NBEAL1: variants seen among roughly 807,000 people sequenced by gnomAD.
The protein encoded by NBEAL1 is neurobeachin-like protein 1.
A neutral mutation model predicts 351.3 loss-of-function variants in NBEAL1; 273 were observed. The observed-to-expected ratio is 0.78, with a 90% confidence interval of 0.70 to 0.86. The LOEUF is 0.86. Ranked by LOEUF, NBEAL1 falls within the 40% of genes least tolerant of loss-of-function variation. The pLI is 0.00. For synonymous variants in NBEAL1, 1,050 were observed against 1,086.4 expected, an observed-to-expected ratio of 0.97 and a Z score of 0.66; for missense variants, 2,961 against 3,201.3, an observed-to-expected ratio of 0.92 and a Z score of 1.81.
chr2:203,189,839 GA>G (rs2065014907), intron 45 of NBEAL1, among the ~76,000 whole-genome samples: 1 of 151,514 alleles, frequency 6.6e-6, no homozygotes, highest in Admixed American at 6.6e-5. Flanking sequence ...ATATTTTATT[GA>G]AACTATACCA....
In NBEAL1 at chr2:203,225,170, A is replaced by T. The variant is rs933429523; in HGVS notation, c.*7816A>T. Among the ~76,000 whole-genome samples, 5 of 152,328 alleles carry T rather than the reference A, an allele frequency of 3.3e-5. No homozygotes were observed. The South Asian group carries it at 6.2e-4, about 19-fold the overall frequency. ...ATATGAAAATGGGTTTGAATCAAAT[A>T]AAAAAAGTGATGTTACTTTCTTCAG... On this transcript the variant is annotated 3_prime_UTR_variant, in exon 56 of 56. Coordinates refer to ENST00000683969, the MANE Select transcript of NBEAL1 (RefSeq NM_001378026.1).
intron 25 of NBEAL1, among the ~76,000 whole-genome samples, chr2:203,131,725 G>A (rs545685301): frequency 5.3e-5 from 8 of 152,150 alleles, no homozygotes; most frequent in South Asian, 2.1e-4. Flanking sequence ...TGAAGTTTTT[G>A]TACTTAAGGA....
intron 3 of NBEAL1, among the ~76,000 whole-genome samples, chr2:203,049,546 C>G (rs751086791): frequency 6.6e-5 from 10 of 152,282 alleles, no homozygotes; most frequent in Admixed American, 1.3e-4. Flanking sequence ...TAGTCTGTCT[C>G]TCTCTTTAGT....
intron 2 of NBEAL1, among the ~76,000 whole-genome samples, chr2:203,031,992 G>A (rs968914181): frequency 6.6e-6 from 1 of 152,168 alleles, no homozygotes; most frequent in Non-Finnish European, 1.5e-5. Context: ...GCTATGAAAG[G>A]CACTACTGTT....
intron 12 of NBEAL1, 22 bp downstream of exon 12, chr2:203,099,734 T>C (rs75861526): frequency 6.4e-6 from 4 of 624,892 alleles, no homozygotes; most frequent in South Asian, 3.7e-5. Flanking sequence ...ATCCTCCAGC[T>C]TTTTTTTTTT....
At chr2:203,083,122 G>T (rs2061901932) in intron 8 of NBEAL1, 97 bp from the exon 9 acceptor site, 1 of 1,066,294 alleles carries the variant, frequency 9.4e-7, no homozygotes. Flanking sequence ...TTTATTAAAA[G>T]AAAAGGTTGC....
At position 203,057,306 on chromosome 2, in the gene NBEAL1, A is replaced by T; in HGVS notation, c.388-20A>T. The T allele has an allele frequency of 6.5e-7, 1 of 1,535,716 alleles. No individual in the cohort carries two copies. Among genetic ancestry groups the T allele is most frequent in the Non-Finnish European group, 8.8e-7 (1 of 1,136,180 alleles). On this transcript the variant is annotated intron_variant, in intron 5 of 55. Transcript: ENST00000683969. Reference sequence around the variant, plus strand: ...GATAAGTAAGGCATGTCTTTAATTTATGTTTAACTTTGTTCTCAGTTAAAA... The same window carrying T: ...GATAAGTAAGGCATGTCTTTAATTTTTGTTTAACTTTGTTCTCAGTTAAAA...
At position 203,038,064 on chromosome 2, in the gene NBEAL1, G is replaced by A. The variant is rs141721049; in HGVS notation, c.52-3701G>A. 1.2e-3 allele frequency among the ~76,000 whole-genome samples: 181 copies of A among 149,396 alleles called. 14 individuals carry two copies. In the Middle Eastern group the frequency reaches 0.014, roughly 11 times the overall value. On this transcript the variant is annotated intron_variant, in intron 2 of 55. Coordinates refer to ENST00000683969, the MANE Select transcript of NBEAL1 (RefSeq NM_001378026.1). Reference sequence around the variant, plus strand: ...ATTTTTGAAAAATTTTTTTGTCATTGTAAGTATCAATAGTTCATTTTTATT... The same window carrying A: ...ATTTTTGAAAAATTTTTTTGTCATTATAAGTATCAATAGTTCATTTTTATT...
chr2:203,211,160 G>A (rs1226698077), intron 54 of NBEAL1, 54 bp downstream of exon 54: 1 of 1,228,234 alleles, frequency 8.1e-7, no homozygotes, highest in Non-Finnish European at 1.1e-6. Flanking sequence ...AGTACTTCTA[G>A]TCTAGAGTGA....
At chr2:203,173,832 T>C (rs551453789) in intron 41 of NBEAL1, among the ~76,000 whole-genome samples, 10 of 152,262 alleles carry the variant, frequency 6.6e-5, no homozygotes, top group African/African-American at 2.4e-4. Context: ...CCTGAAAACT[T>C]TTTTATTCTC....
At chr2:203,023,509 T>A (rs2060801378) in intron 2 of NBEAL1, among the ~76,000 whole-genome samples, 1 of 152,234 alleles carries the variant, frequency 6.6e-6, no homozygotes. Context: ...CATCAAACTT[T>A]AAATTTCCCT....
At chr2:203,049,256 A>C (rs2061283725) in intron 3 of NBEAL1, among the ~76,000 whole-genome samples, 1 of 152,050 alleles carries the variant, frequency 6.6e-6, no homozygotes. Context: ...GATGGGGTTC[A>C]CCATGTTGAC....
rs554176549 is a variant in NBEAL1 at position 203,142,289 on chromosome 2, G to A, written c.4849-2311G>A. ...TCTGGTCTCTGCCTCCCAAGTAGCTGGGATTATAGGCATGTGCCACCTCTC... is the reference window on the plus strand; with the variant it reads ...TCTGGTCTCTGCCTCCCAAGTAGCTAGGATTATAGGCATGTGCCACCTCTC... On this transcript the variant is annotated intron_variant, in intron 31 of 55. Coordinates refer to ENST00000683969, the MANE Select transcript of NBEAL1 (RefSeq NM_001378026.1). Among the ~76,000 whole-genome samples the A allele has an allele frequency of 7.8e-4, 119 of 152,152 alleles. 3 individuals carry two copies. The highest frequency in any genetic ancestry group is 7.6e-4 in the Non-Finnish European group (52 of 68,036).
intron 12 of NBEAL1, among the ~76,000 whole-genome samples, chr2:203,104,852 CT>C (rs1157218963): frequency 5.9e-5 from 9 of 151,378 alleles, no homozygotes; most frequent in South Asian, 2.1e-4. Flanking sequence ...TCTTTTTTTT[CT>C]TTTTTCTTTC....
intron 24 of NBEAL1, among the ~76,000 whole-genome samples, chr2:203,129,087 C>T (rs933395371): frequency 6.6e-6 from 1 of 152,154 alleles, no homozygotes. Flanking sequence ...ACTACTGATT[C>T]AACTGCTGAA....
In NBEAL1 at chr2:203,049,877, C is replaced by A; in HGVS notation, c.207C>A (p.Ile69=). The change falls in exon 4 of 56, where the codon ATC becomes ATA. Residue 69 remains isoleucine (I), a synonymous_variant. Transcript: ENST00000683969. ...LPDNILQVLR[I]QLLQCVQKMA... Reference sequence around the variant, plus strand: ...ATAATATTCTGCAGGTTCTGAGGATCCAGCTTCTACAGTGTGTTCAGAAAA... The same window carrying A: ...ATAATATTCTGCAGGTTCTGAGGATACAGCTTCTACAGTGTGTTCAGAAAA... 1 of 1,556,564 alleles carries A rather than the reference C, an allele frequency of 6.4e-7. No individual in the cohort carries two copies. Among genetic ancestry groups the A allele is most frequent in the East Asian group, 2.3e-5 (1 of 42,660 alleles).
At chr2:203,156,516 T>C (rs575045981) in intron 35 of NBEAL1, among the ~76,000 whole-genome samples, 4 of 152,366 alleles carry the variant, frequency 2.6e-5, no homozygotes, top group African/African-American at 9.6e-5. Context: ...TGCATTGTCA[T>C]GTACTTCGTT....
chr2:203,093,375 C>A (rs1346906544), intron 10 of NBEAL1, among the ~76,000 whole-genome samples: 1 of 150,650 alleles, frequency 6.6e-6, no homozygotes, highest in Non-Finnish European at 1.5e-5. Context: ...ATATGAATAT[C>A]TTTTTAAAAA....
chr2:203,068,272 G>C (rs1030425930), intron 6 of NBEAL1, 121 bp from the exon 7 acceptor site: 7 of 484,056 alleles, frequency 1.4e-5, no homozygotes, highest in African/African-American at 3.9e-5. Flanking sequence ...GGATCCTAGA[G>C]ATACATAGTT....
Sources: gnomAD v4.1 joint callset for allele counts (sites outside exome capture counted in the v4.1 genomes callset) on GRCh38, gnomAD v4.1.1 for gene constraint, MANE v1.5 for transcripts, NCBI Gene and HGNC (gene_info 2026-07-23, HGNC 2026-07-21) for gene names.